CPA6: variants seen among roughly 807,000 people sequenced by gnomAD.
CPA6 encodes carboxypeptidase B.
CPA6 carries 58 observed loss-of-function variants against 63.3 expected under a neutral mutation model. The observed-to-expected ratio is 0.92, with a 90% CI of 0.74 to 1.14. The LOEUF (loss-of-function observed/expected upper bound fraction) is 1.14. Ranked by LOEUF, CPA6 falls within the 50% of genes most tolerant of loss-of-function variation. The pLI is 0.00. For synonymous variants in CPA6, 185 were observed against 179.0 expected, an observed-to-expected ratio of 1.03 and a Z score of -0.27; for missense variants, 565 against 526.6, an observed-to-expected ratio of 1.07 and a Z score of -0.71.
rs757731581 is a variant in CPA6, at chr8:67,624,294, T to C, written c.117-43A>G. ...AAAGATGATAATTACTTTTCGAAAA[T>C]AAAGATATTAGTCATCTCTTTCTTA... On this transcript the variant is annotated intron_variant, in intron 1 of 10. Transcript: ENST00000297770. 25 of 1,086,600 alleles carry C rather than the reference T, an allele frequency of 2.3e-5. No individual in the cohort carries two copies. The East Asian group carries it at 5.0e-4, about 22-fold the overall frequency. The allele number at this position is 1,086,600 out of a possible 1,614,324, so 67.3% of individuals were successfully genotyped here. A position where few individuals can be genotyped will look rare whatever the true frequency, so the allele number is the denominator to read the frequency against.
intron 8 of CPA6, among the ~76,000 whole-genome samples, chr8:67,456,269 T>C (rs950990247): frequency 1.3e-5 from 2 of 152,200 alleles, no homozygotes; most frequent in African/African-American, 4.8e-5. Context: ...CAGTTTTCCT[T>C]GGATAAAACT....
At chr8:67,425,075 A>C (rs1809854237) in intron 10 of CPA6, among the ~76,000 whole-genome samples, 1 of 152,246 alleles carries the variant, frequency 6.6e-6, no homozygotes, top group Admixed American at 6.5e-5. Flanking sequence ...TGGGAAAATT[A>C]AATAAAGTAA....
rs1563967908 is a variant in CPA6, at chr8:67,475,871, CTTTCTTTCTCCTTT to C, written c.838+7883_838+7896del. On this transcript the variant is annotated intron_variant, in intron 8 of 10. Transcript: ENST00000297770. ...TCTTTCTTTCTTTCTTTCTTTCTTT[CTTTCTTTCTCCTTT>C]CTTTCTTTCTTTCTTTCTTTCTTTC... Among the ~76,000 whole-genome samples the C allele has an allele frequency of 2.7e-3, 219 of 79,752 alleles. 2 individuals are homozygous for C. Among genetic ancestry groups the C allele is most frequent in the Non-Finnish European group, 3.0e-3 (125 of 41,446 alleles). 52.3% of individuals were successfully genotyped at this position (79,752 alleles called of 152,430 possible).
intron 1 of CPA6, among the ~76,000 whole-genome samples, chr8:67,693,724 C>T (rs1212703954): frequency 6.6e-6 from 1 of 152,156 alleles, no homozygotes; most frequent in Non-Finnish European, 1.5e-5. Flanking sequence ...ATCTGCTGGC[C>T]CTTTCTTCTC....
chr8:67,674,568 TG>T (rs1816426665), intron 1 of CPA6, among the ~76,000 whole-genome samples: 1 of 152,194 alleles, frequency 6.6e-6, no homozygotes, highest in Non-Finnish European at 1.5e-5. Flanking sequence ...TATACACTGT[TG>T]GTGGGAATGT....
At chr8:67,684,657 G>A (rs1449867496) in intron 1 of CPA6, among the ~76,000 whole-genome samples, 1 of 152,122 alleles carries the variant, frequency 6.6e-6, no homozygotes, top group Non-Finnish European at 1.5e-5. Context: ...CTAGAGAAGC[G>A]GGGCTTGCTC....
In CPA6 at chr8:67,601,569, C is replaced by T. The variant is rs529926473; in HGVS notation, c.192+22607G>A. Among the ~76,000 whole-genome samples the T allele has an allele frequency of 3.8e-3, 579 of 152,260 alleles. 3 individuals are homozygous for T. Among genetic ancestry groups the T allele is most frequent in the Non-Finnish European group, 6.6e-3 (447 of 67,992 alleles). On this transcript the variant is annotated intron_variant, in intron 2 of 10. Transcript: ENST00000297770. ...CTTTTAAATCAAGGTTAGTAACATT[C>T]TAAAAATTGTGGGTTTTTTGAAGAT...
chr8:67,573,891 CAAAAAAAAAAAAAAAAAA>C (rs34145304), intron 2 of CPA6, among the ~76,000 whole-genome samples: 1 of 33,486 alleles, frequency 3.0e-5, no homozygotes, highest in Non-Finnish European at 5.9e-5. Context: ...GACTCCGTCT[CAAAAAAAAAAAAAAAAAA>C]AAAAAAAAAA....
At chr8:67,600,200 C>T (rs901176880) in intron 2 of CPA6, among the ~76,000 whole-genome samples, 5 of 151,600 alleles carry the variant, frequency 3.3e-5, no homozygotes, top group Non-Finnish European at 7.4e-5. Context: ...GGACGCTTTT[C>T]TTAAGAGCAT....
At chr8:67,460,454 C>T (rs1810775418) in intron 8 of CPA6, among the ~76,000 whole-genome samples, 2 of 152,100 alleles carry the variant, frequency 1.3e-5, no homozygotes, top group South Asian at 4.1e-4. Flanking sequence ...GTAGAGATAC[C>T]AGCAAATATG....
intron 2 of CPA6, among the ~76,000 whole-genome samples, chr8:67,607,052 T>C (rs1814655642): frequency 6.6e-6 from 1 of 152,002 alleles, no homozygotes; most frequent in Non-Finnish European, 1.5e-5. Flanking sequence ...AGTTCTTTCC[T>C]AGATGTAACT....
chr8:67,735,571 C>G (rs1172078081), intron 1 of CPA6: 1 of 151,990 alleles, frequency 6.6e-6, no homozygotes, highest in Non-Finnish European at 1.5e-5. Flanking sequence ...GAGAGACTTT[C>G]CCACGAATAG....
At chr8:67,584,727 G>C (rs929448057) in intron 2 of CPA6, among the ~76,000 whole-genome samples, 1 of 152,154 alleles carries the variant, frequency 6.6e-6, no homozygotes, top group Non-Finnish European at 1.5e-5. Flanking sequence ...AGGGATGAAG[G>C]CTGAATTGAG....
intron 8 of CPA6, among the ~76,000 whole-genome samples, chr8:67,447,725 CA>C (rs1179780749): frequency 6.6e-6 from 1 of 152,198 alleles, no homozygotes; most frequent in Non-Finnish European, 1.5e-5. Flanking sequence ...CAATACTCTA[CA>C]AGTGTATCAC....
At chr8:67,430,171 G>GTGTGTGTA (rs1225024769) in intron 9 of CPA6, among the ~76,000 whole-genome samples, 50 of 104,874 alleles carry the variant, frequency 4.8e-4, no homozygotes, top group African/African-American at 1.9e-3. Context: ...GTGTGTGTGT[G>GTGTGTGTA]TATATATTTT....
At chr8:67,600,824 G>A (rs1159622976) in intron 2 of CPA6, among the ~76,000 whole-genome samples, 2 of 152,076 alleles carry the variant, frequency 1.3e-5, no homozygotes, top group African/African-American at 4.8e-5. Context: ...ACCTCATTTT[G>A]TAAGAACAAA....
chr8:67,648,666 T>A (rs1267505579), intron 1 of CPA6, among the ~76,000 whole-genome samples: 1 of 152,190 alleles, frequency 6.6e-6, no homozygotes, highest in East Asian at 1.9e-4. Flanking sequence ...TACCAGAGAT[T>A]TTAAGAATTT....
chr8:67,739,186 C>CTGTG (rs1563415633), intron 1 of CPA6, among the ~76,000 whole-genome samples: 1 of 152,146 alleles, frequency 6.6e-6, no homozygotes, highest in Non-Finnish European at 1.5e-5. Context: ...GACCCCCATA[C>CTGTG]AGTCTGCCTG....
intron 6 of CPA6, among the ~76,000 whole-genome samples, chr8:67,498,333 T>C (rs113603141): frequency 0.14 from 20,685 of 151,588 alleles, 3,855 homozygotes; most frequent in African/African-American, 0.42. Flanking sequence ...GGCAGGAGTT[T>C]GGGACCAGCC....
Sources: allele counts gnomAD v4.1 joint callset (sites outside exome capture counted in the v4.1 genomes callset), GRCh38; gene constraint gnomAD v4.1.1; transcripts MANE v1.5; gene names NCBI Gene and HGNC (gene_info 2026-07-23, HGNC 2026-07-21).